The following MBD5 variants were observed in gnomAD, a reference collection of about 807,000 sequenced individuals.
MBD5 encodes methyl-CpG-binding domain protein 5.
A neutral mutation model predicts 117.3 loss-of-function variants in MBD5; 13 were observed. The ratio of observed to expected loss-of-function variants is 0.11; its 90% CI spans 0.07 to 0.18. MBD5 has a LOEUF of 0.18. Ranked by LOEUF, MBD5 falls within the 10% of genes least tolerant of loss-of-function variation. The pLI is 1.00. For synonymous variants in MBD5, 727 were observed against 766.4 expected, an observed-to-expected ratio of 0.95 and a Z score of 0.85; for missense variants, 1,879 against 2,093.8, an observed-to-expected ratio of 0.90 and a Z score of 2.00.
intron 1 of MBD5, among the ~76,000 whole-genome samples, chr2:148,176,914 CAT>C (rs1698405672): frequency 6.6e-6 from 1 of 151,470 alleles, no homozygotes; most frequent in African/African-American, 2.4e-5. Flanking sequence ...CCATCAAGGG[CAT>C]GTTTCTAGTT....
At chr2:148,133,410 C>T (rs1697096594) in intron 1 of MBD5, among the ~76,000 whole-genome samples, 1 of 152,178 alleles carries the variant, frequency 6.6e-6, no homozygotes, top group African/African-American at 2.4e-5. Context: ...TGTTTATATC[C>T]AACTTCTGAT....
Position 148,490,602 on chromosome 2 carries a change from A to G in MBD5, c.4962+8A>G, listed in dbSNP as rs1207470702. 6.2e-7 allele frequency: 1 copy of G among 1,614,108 alleles called. No homozygotes were observed. The highest frequency in any genetic ancestry group is 8.5e-7 in the Non-Finnish European group (1 of 1,180,008). ...AGCCCCGAGGAAGGGAAGGTATACC[A>G]ATCTTTATCCATTGTCAAATACTAA... On this transcript the variant is annotated splice_region_variant and intron_variant, in intron 11 of 13. Transcript: ENST00000642680.
intron 2 of MBD5, among the ~76,000 whole-genome samples, chr2:148,200,562 G>A (rs1249394125): frequency 6.6e-6 from 1 of 151,948 alleles, no homozygotes; most frequent in African/African-American, 2.4e-5. Context: ...GCATGGTGGC[G>A]GGCGCCTGTG....
rs1701833250 is a variant in MBD5 at position 148,303,997 on chromosome 2, G to A, written c.-679-38217G>A. Among the ~76,000 whole-genome samples the A allele has an allele frequency of 2.0e-5, 3 of 152,252 alleles. No homozygotes were observed. The South Asian group carries it at 6.2e-4, about 32-fold the overall frequency. On this transcript the variant is annotated intron_variant, in intron 3 of 13. Transcript: ENST00000642680. ...CCTCAAAGCCTAACGCTGATGAACT[G>A]AGCCAACTTATAATGCCCTCATCAA...
chr2:148,442,858 C>T (rs1185781782), intron 4 of MBD5, among the ~76,000 whole-genome samples: 2 of 151,226 alleles, frequency 1.3e-5, no homozygotes, highest in African/African-American at 4.9e-5. Context: ...TCTTGAGTAA[C>T]ACAAGCACAG....
chr2:148,152,030 G>A (rs1371555452), intron 1 of MBD5, among the ~76,000 whole-genome samples: 1 of 150,932 alleles, frequency 6.6e-6, no homozygotes, highest in Non-Finnish European at 1.5e-5. Context: ...TAATTGTGAT[G>A]TTAGGGTGTC....
At chr2:148,447,571 T>C (rs1706600784) in intron 4 of MBD5, 1 of 152,136 alleles carries the variant, frequency 6.6e-6, no homozygotes, top group Non-Finnish European at 1.5e-5. Flanking sequence ...TTCCAGAAGT[T>C]GGAAACCCAC....
intron 1 of MBD5, among the ~76,000 whole-genome samples, chr2:148,099,244 A>T (rs1696145201): frequency 6.6e-6 from 1 of 152,210 alleles, no homozygotes; most frequent in Non-Finnish European, 1.5e-5. Context: ...GAATGGAAGT[A>T]AAAACTTACA....
At chr2:148,401,376 T>G (rs1168355127) in intron 4 of MBD5, among the ~76,000 whole-genome samples, 2 of 152,088 alleles carry the variant, frequency 1.3e-5, no homozygotes, top group Non-Finnish European at 2.9e-5. Context: ...ATAGAAACAG[T>G]TTTATTCTCT....
intron 1 of MBD5, among the ~76,000 whole-genome samples, chr2:148,046,149 A>G (rs1694525689): frequency 1.3e-5 from 2 of 151,596 alleles, no homozygotes; most frequent in African/African-American, 4.8e-5. Context: ...ACACCCAGCT[A>G]ATTTTTGTAT....
intron 3 of MBD5, among the ~76,000 whole-genome samples, chr2:148,272,018 A>G (rs1405529197): frequency 6.6e-6 from 1 of 152,180 alleles, no homozygotes; most frequent in African/African-American, 2.4e-5. Flanking sequence ...TAGATTCCAC[A>G]TGTAAATAAG....
intron 3 of MBD5, among the ~76,000 whole-genome samples, chr2:148,317,815 T>G (rs1416813337): frequency 6.6e-6 from 1 of 152,234 alleles, no homozygotes; most frequent in Non-Finnish European, 1.5e-5. Flanking sequence ...CTGAGTAGTA[T>G]TCCATGGCAT....
chr2:148,115,000 A>G (rs1214509348), intron 1 of MBD5, among the ~76,000 whole-genome samples: 1 of 152,148 alleles, frequency 6.6e-6, no homozygotes, highest in Non-Finnish European at 1.5e-5. Flanking sequence ...ATGCATATGT[A>G]TAAAGTATCT....
intron 1 of MBD5, among the ~76,000 whole-genome samples, chr2:148,165,126 G>T (rs1388322497): frequency 6.6e-6 from 1 of 152,026 alleles, no homozygotes; most frequent in Non-Finnish European, 1.5e-5. Flanking sequence ...CATATTATGT[G>T]CTCAAATTTG....
At chr2:148,219,238 G>A (rs765036215) in intron 2 of MBD5, among the ~76,000 whole-genome samples, 3 of 152,042 alleles carry the variant, frequency 2.0e-5, no homozygotes, top group Non-Finnish European at 2.9e-5. Context: ...CATCAGTATC[G>A]CTTTCCTCCA....
At position 148,502,464 on chromosome 2, in the gene MBD5, C is replaced by A. The variant is rs762642814; in HGVS notation, c.4991C>A (p.Thr1664Lys). The part of the protein sequence containing the change: ...KVEPEKLKTL[T>K]EGLEAYSRVR... ...GAGCCCGAGAAGTTGAAGACACTAA[C>A]AGAAGGTTTGGAAGCCTACAGCCGT... Residue 1664 changes from threonine (T) to lysine (K), a missense_variant, in exon 12 of 14, where the codon ACA becomes AAA. By Grantham distance (78) the Thr-to-Lys change is moderately conservative. Transcript: ENST00000642680. 1 of 1,614,054 alleles carries A rather than the reference C, an allele frequency of 6.2e-7. No homozygotes were observed.
intron 1 of MBD5, among the ~76,000 whole-genome samples, chr2:148,128,723 G>A (rs1020115214): frequency 6.6e-6 from 1 of 152,158 alleles, no homozygotes; most frequent in African/African-American, 2.4e-5. Context: ...ATGCATGTAT[G>A]CATGTGTGTA....
At chr2:148,324,174 A>T (rs1375085808) in intron 3 of MBD5, among the ~76,000 whole-genome samples, 1 of 151,970 alleles carries the variant, frequency 6.6e-6, no homozygotes, top group African/African-American at 2.4e-5. Flanking sequence ...GTTATTTCTG[A>T]GGGCTCTGTT....
chr2:148,474,638 T>G (rs1033979162), intron 8 of MBD5, among the ~76,000 whole-genome samples: 3 of 152,106 alleles, frequency 2.0e-5, no homozygotes, highest in African/African-American at 4.8e-5. Flanking sequence ...ATTCAAACAT[T>G]TATTTGCCTT....
Sources: allele counts gnomAD v4.1 joint callset (sites outside exome capture counted in the v4.1 genomes callset), GRCh38; gene constraint gnomAD v4.1.1; transcripts MANE v1.5; gene names NCBI Gene and HGNC (gene_info 2026-07-23, HGNC 2026-07-21).